Variants in RNF145 observed in about 807,000 individuals in gnomAD.
The protein encoded by RNF145 is ring finger protein 145.
RNF145 carries 12 observed loss-of-function variants against 57.3 expected under a neutral mutation model. That is an observed-to-expected ratio of 0.21 (90% confidence interval 0.13 to 0.34). The LOEUF is 0.34. Ranked by LOEUF, RNF145 falls within the 10% of genes least tolerant of loss-of-function variation. RNF145 has a pLI of 1.00. For synonymous variants in RNF145, 262 were observed against 288.3 expected, an observed-to-expected ratio of 0.91 and a Z score of 0.92; for missense variants, 429 against 799.0, an observed-to-expected ratio of 0.54 and a Z score of 5.58.
At chr5:159,171,996 T>A (rs1784575530) in intron 6 of RNF145, among the ~76,000 whole-genome samples, 1 of 152,236 alleles carries the variant, frequency 6.6e-6, no homozygotes, top group African/African-American at 2.4e-5. Flanking sequence ...ATTTTCTTAC[T>A]TTGTAAATAA....
intron 6 of RNF145, among the ~76,000 whole-genome samples, chr5:159,172,929 A>G (rs975023): frequency 0.063 from 9,539 of 152,288 alleles, 335 homozygotes; most frequent in Middle Eastern, 0.1. Context: ...CTACTTTTTA[A>G]AGTGACAATG....
intron 3 of RNF145, among the ~76,000 whole-genome samples, chr5:159,187,771 C>G (rs1365799422): frequency 6.6e-5 from 10 of 152,100 alleles, no homozygotes; most frequent in Admixed American, 6.5e-4. Context: ...TGTCAACATC[C>G]TATAATGCAC....
At chr5:159,183,605 T>C (rs1265954742) in intron 3 of RNF145, among the ~76,000 whole-genome samples, 5 of 152,200 alleles carry the variant, frequency 3.3e-5, no homozygotes, top group Non-Finnish European at 5.9e-5. Context: ...ACAAAATGCA[T>C]ATATAAATAG....
chr5:159,193,479 T>C (rs1018755308), intron 3 of RNF145, among the ~76,000 whole-genome samples: 11 of 152,146 alleles, frequency 7.2e-5, no homozygotes, highest in African/African-American at 2.2e-4. Flanking sequence ...TTAAAGAGAA[T>C]TGGTGGTCCT....
rs913510688 is a variant in RNF145 at position 159,185,998 on chromosome 5, C to T, written c.294-3947G>A. The stretch of plus-strand genomic sequence containing the variant: ...CAGCACTTTGGGAGGCCGAGGCAGA[C>T]GGCTCACTTGAGCCCAGGAGTTCGA... On this transcript the variant is annotated intron_variant, in intron 3 of 10. Coordinates refer to ENST00000424310, the MANE Select transcript of RNF145 (RefSeq NM_001199383.2). 1.4e-4 allele frequency among the ~76,000 whole-genome samples: 21 copies of T among 152,254 alleles called. No individual in the cohort carries two copies. In the East Asian group the frequency reaches 3.3e-3, roughly 24 times the overall value.
At chr5:159,193,704 T>C (rs767420771) in intron 3 of RNF145, among the ~76,000 whole-genome samples, 1 of 152,230 alleles carries the variant, frequency 6.6e-6, no homozygotes, top group South Asian at 2.1e-4. Context: ...GCACCATAAT[T>C]TTATAATCAG....
intron 8 of RNF145, among the ~76,000 whole-genome samples, chr5:159,166,371 T>A (rs1229821541): frequency 6.6e-6 from 1 of 152,232 alleles, no homozygotes; most frequent in Non-Finnish European, 1.5e-5. Flanking sequence ...ATATTAATCA[T>A]TAAATGTATT....
At chr5:159,165,223 G>T (rs937937701) in intron 8 of RNF145, among the ~76,000 whole-genome samples, 8 of 152,138 alleles carry the variant, frequency 5.3e-5, no homozygotes, top group African/African-American at 1.9e-4. Flanking sequence ...CTAACGACAG[G>T]GGCAGGCCTG....
At chr5:159,167,958 A>T (rs1216425093) in intron 8 of RNF145, among the ~76,000 whole-genome samples, 1 of 152,228 alleles carries the variant, frequency 6.6e-6, no homozygotes, top group African/African-American at 2.4e-5. Flanking sequence ...TTCCCTTACT[A>T]TAAAAGGCTA....
intron 6 of RNF145, among the ~76,000 whole-genome samples, chr5:159,170,807 G>A (rs1784525062): frequency 6.6e-6 from 1 of 152,138 alleles, no homozygotes; most frequent in African/African-American, 2.4e-5. Context: ...CCCAAACTGG[G>A]CTAAAACTTT....
chr5:159,207,987 T>C, intron 1 of RNF145: 2 of 1,564,860 alleles, frequency 1.3e-6, no homozygotes, highest in Non-Finnish European at 8.6e-7. Flanking sequence ...ACTCCGTATT[T>C]TAAAAAATAA....
rs912346801 is a variant in RNF145 at position 159,204,984 on chromosome 5, T to C, written c.-39-1328A>G. ...TTACAGGACAAACGAAAACATTTATTTCTGCAGAAAATTATAGTGACAGAT... is the reference window on the plus strand; with the variant it reads ...TTACAGGACAAACGAAAACATTTATCTCTGCAGAAAATTATAGTGACAGAT... On this transcript the variant is annotated intron_variant, in intron 1 of 10. Coordinates refer to ENST00000424310, the MANE Select transcript of RNF145 (RefSeq NM_001199383.2). Among the ~76,000 whole-genome samples the C allele has an allele frequency of 5.9e-5, 9 of 152,152 alleles. No individual in the cohort carries two copies. In the South Asian group the frequency reaches 1.9e-3, roughly 32 times the overall value.
chr5:159,209,785 C>G, upstream of RNF145: 1 of 1,435,386 alleles, frequency 7.0e-7, no homozygotes, highest in Middle Eastern at 1.8e-4. Flanking sequence ...GTGACAGGCG[C>G]CATTCTGACA....
At chr5:159,189,705 GA>G (rs1393615573) in intron 3 of RNF145, among the ~76,000 whole-genome samples, 6 of 152,162 alleles carry the variant, frequency 3.9e-5, no homozygotes, top group African/African-American at 1.2e-4. Context: ...TCCATCAAAA[GA>G]TAATTGGATG....
intron 2 of RNF145, among the ~76,000 whole-genome samples, chr5:159,196,608 G>C (rs1785470699): frequency 6.6e-6 from 1 of 152,270 alleles, no homozygotes; most frequent in African/African-American, 2.4e-5. Context: ...TGGGACTAAA[G>C]AAACAGAACT....
chr5:159,157,684 C>CA lies in RNF145; in HGVS notation c.*985dup, dbSNP rs577454164. 3 of 152,674 alleles carry CA rather than the reference C, an allele frequency of 2.0e-5. No homozygotes were observed. Among genetic ancestry groups the CA allele is most frequent in the Non-Finnish European group, 2.9e-5 (2 of 68,012 alleles). 9.5% of individuals were successfully genotyped at this position (152,674 alleles called of 1,614,324 possible). On this transcript the variant is annotated 3_prime_UTR_variant, in exon 11 of 11. Transcript: ENST00000424310. ...ACACATCCTTGTCAAAGAAAAGGTG[C>CA]AAAGTCTATTAACAGCTTTAAAAGT... is the stretch of plus-strand genomic sequence containing the variant.
chr5:159,161,604 TAAAA>T lies in RNF145; in HGVS notation c.1284_1287del (p.Ile430MetfsTer24). The T allele has an allele frequency of 6.4e-7, 1 of 1,564,094 alleles. No individual in the cohort carries two copies. The highest frequency in any genetic ancestry group is 2.3e-5 in the East Asian group (1 of 43,658). ...TCCTCAACCATAAATAAGACATAAA[TAAAA>T]AGTGTTCCCAGAACCTGAAAAAAAA... On this transcript the variant is annotated frameshift_variant, in exon 10 of 11. Transcript: ENST00000424310. LOFTEE classifies it high-confidence loss of function.
In RNF145 at chr5:159,157,787, G is replaced by T. The variant is rs932733003; in HGVS notation, c.*883C>A. 3 of 152,668 alleles carry T rather than the reference G, an allele frequency of 2.0e-5. No individual in the cohort carries two copies. The highest frequency in any genetic ancestry group is 4.8e-5 in the African/African-American group (2 of 41,412). The allele number at this position is 152,668 out of a possible 1,614,324, so 9.5% of individuals were successfully genotyped here. On this transcript the variant is annotated 3_prime_UTR_variant, in exon 11 of 11. Transcript: ENST00000424310. ...TATTGCCATAATTTAACACTGTTTTGATTCAGTTGCAAGAATTAAACATTA... is the reference window on the plus strand; with the variant it reads ...TATTGCCATAATTTAACACTGTTTTTATTCAGTTGCAAGAATTAAACATTA...
chr5:159,205,639 C>T (rs1400538096), intron 1 of RNF145, among the ~76,000 whole-genome samples: 2 of 152,148 alleles, frequency 1.3e-5, no homozygotes, highest in Non-Finnish European at 2.9e-5. Flanking sequence ...CACCAGCCAC[C>T]ATATTTGAAA....
Sources: gnomAD v4.1 joint callset for allele counts (sites outside exome capture counted in the v4.1 genomes callset) on GRCh38, gnomAD v4.1.1 for gene constraint, MANE v1.5 for transcripts, NCBI Gene and HGNC (gene_info 2026-07-23, HGNC 2026-07-21) for gene names.